Variants in SGK1 observed in about 807,000 individuals in gnomAD.
SGK1 encodes serine/threonine-protein kinase Sgk1.
A neutral mutation model predicts 64.2 loss-of-function variants in SGK1; 26 were observed. That is an observed-to-expected ratio of 0.40 (90% CI 0.30 to 0.56). SGK1 has a LOEUF of 0.56. SGK1 is among the 20% of genes least tolerant of loss of function. The probability of loss-of-function intolerance (pLI) is 0.38; values close to 1 mark genes in which losing one functional copy is unlikely to be tolerated. For missense variants in SGK1, 519 were observed against 645.6 expected, an observed-to-expected ratio of 0.80 and a Z score of 2.12; for synonymous variants, 265 against 239.7, an observed-to-expected ratio of 1.11 and a Z score of -0.98.
intron 2 of SGK1, among the ~76,000 whole-genome samples, chr6:134,251,565 T>G (rs1776606195): frequency 6.6e-6 from 1 of 152,144 alleles, no homozygotes; most frequent in Non-Finnish European, 1.5e-5. Context: ...ATGTCCTAAA[T>G]AGCCTGGATG....
intron 3 of SGK1, among the ~76,000 whole-genome samples, chr6:134,176,280 G>C (rs1223579390): frequency 6.6e-6 from 1 of 152,178 alleles, no homozygotes; most frequent in South Asian, 2.1e-4. Context: ...GGCTGCCCCA[G>C]GGCTTCTTAG....
At chr6:134,209,265 C>T (rs953278534) in intron 2 of SGK1, among the ~76,000 whole-genome samples, 3 of 152,064 alleles carry the variant, frequency 2.0e-5, no homozygotes, top group African/African-American at 4.8e-5. Context: ...GAAATCCCGT[C>T]TCTACTAAAA....
chr6:134,225,285 A>T (rs9493865), intron 2 of SGK1, among the ~76,000 whole-genome samples: 8,668 of 149,254 alleles, frequency 0.058, 874 homozygotes, highest in African/African-American at 0.21. Context: ...AGGGAGGCAA[A>T]GGCTGCAGTG....
At chr6:134,296,875 A>G in intron 1 of SGK1, 1 of 213,340 alleles carries the variant, frequency 4.7e-6, no homozygotes, top group East Asian at 1.3e-4. Context: ...ACGTGGGCTG[A>G]GGGCTAGGAC....
intron 3 of SGK1, among the ~76,000 whole-genome samples, chr6:134,189,866 T>C (rs568440530): frequency 2.0e-5 from 3 of 152,372 alleles, no homozygotes; most frequent in African/African-American, 7.2e-5. Flanking sequence ...TTTGTTTGTT[T>C]TGAGACGGAG....
At chr6:134,184,470 A>G (rs1345214067) in intron 3 of SGK1, among the ~76,000 whole-genome samples, 1 of 136,456 alleles carries the variant, frequency 7.3e-6, no homozygotes, top group African/African-American at 2.8e-5. Flanking sequence ...ACATCACTGC[A>G]CTCCAGCCTG....
At chr6:134,244,675 C>A (rs1223018711) in intron 2 of SGK1, among the ~76,000 whole-genome samples, 1 of 152,160 alleles carries the variant, frequency 6.6e-6, no homozygotes, top group Non-Finnish European at 1.5e-5. Context: ...GTGAGATGAA[C>A]CAGGTACCTC....
At chr6:134,176,835 C>A (rs1405351371) in intron 3 of SGK1, among the ~76,000 whole-genome samples, 1 of 152,220 alleles carries the variant, frequency 6.6e-6, no homozygotes, top group African/African-American at 2.4e-5. Context: ...TGCTTTGTTG[C>A]AACAGCCCCA....
chr6:134,276,177 A>G (rs980513948), intron 1 of SGK1, among the ~76,000 whole-genome samples: 2 of 152,214 alleles, frequency 1.3e-5, no homozygotes, highest in African/African-American at 4.8e-5. Flanking sequence ...CATACAGGCA[A>G]TGCTGAAGAA....
At chr6:134,208,231 C>T (rs995016634) in intron 2 of SGK1, among the ~76,000 whole-genome samples, 1 of 152,052 alleles carries the variant, frequency 6.6e-6, no homozygotes, top group African/African-American at 2.4e-5. Flanking sequence ...ATTTTATAAT[C>T]ATAACAGGAT....
rs113744428 is a variant in SGK1, at chr6:134,209,975, C to A, written c.286-2544G>T. 5.8e-3 allele frequency among the ~76,000 whole-genome samples: 885 copies of A among 152,298 alleles called. 9 individuals carry two copies. Among genetic ancestry groups the A allele is most frequent in the African/African-American group, 0.018 (766 of 41,566 alleles). On this transcript the variant is annotated intron_variant, in intron 2 of 13. Coordinates refer to ENST00000367858, the MANE Select transcript of SGK1 (RefSeq NM_001143676.3). ...TACAGGCATGAGCCACCGTGCCAGG[C>A]CTGTGAAGCTCTATTGACGAAGGAA...
At chr6:134,187,277 A>G (rs545648714) in intron 3 of SGK1, among the ~76,000 whole-genome samples, 2 of 152,280 alleles carry the variant, frequency 1.3e-5, no homozygotes, top group African/African-American at 2.4e-5. Context: ...TTCCAGTTCA[A>G]TGGAATCATT....
At chr6:134,299,567 T>G (rs1459721783) in intron 1 of SGK1, among the ~76,000 whole-genome samples, 1 of 152,146 alleles carries the variant, frequency 6.6e-6, no homozygotes, top group African/African-American at 2.4e-5. Context: ...TATGCTGATG[T>G]GTGCAGAACA....
intron 2 of SGK1, among the ~76,000 whole-genome samples, chr6:134,248,470 T>TAGATGG (rs1776558761): frequency 8.4e-6 from 1 of 119,540 alleles, no homozygotes; most frequent in South Asian, 2.8e-4. Flanking sequence ...TTTTTTTTTT[T>TAGATGG]AGATGGAGAG....
intron 1 of SGK1, among the ~76,000 whole-genome samples, chr6:134,264,550 C>A (rs892914877): frequency 6.6e-6 from 1 of 152,116 alleles, no homozygotes; most frequent in Admixed American, 6.6e-5. Flanking sequence ...TTATATTCAA[C>A]CAATTAGTGA....
intron 3 of SGK1, chr6:134,175,403 C>CT: frequency 7.8e-7 from 1 of 1,279,000 alleles, no homozygotes; most frequent in Non-Finnish European, 1.0e-6. Context: ...CAGGCCTGCG[C>CT]GCGCGACCTC....
chr6:134,177,052 G>A (rs559563430), intron 3 of SGK1, among the ~76,000 whole-genome samples: 174 of 152,186 alleles, frequency 1.1e-3, no homozygotes, highest in African/African-American at 4.0e-3. Flanking sequence ...CGTCTCTACT[G>A]AAAATAGAAA....
At chr6:134,309,510 G>A (rs1299245110) in intron 1 of SGK1, among the ~76,000 whole-genome samples, 1 of 152,198 alleles carries the variant, frequency 6.6e-6, no homozygotes, top group Non-Finnish European at 1.5e-5. Flanking sequence ...AAGGACCAGG[G>A]TAGGTCACTG....
intron 2 of SGK1, among the ~76,000 whole-genome samples, chr6:134,223,260 C>T (rs139251676): frequency 0.017 from 2,606 of 151,254 alleles, 40 homozygotes; most frequent in Non-Finnish European, 0.027. Context: ...CCCAGCTTCT[C>T]GGGGGGCTGA....
Sources: gnomAD v4.1 joint callset for allele counts (sites outside exome capture counted in the v4.1 genomes callset) on GRCh38, gnomAD v4.1.1 for gene constraint, MANE v1.5 for transcripts, NCBI Gene and HGNC (gene_info 2026-07-23, HGNC 2026-07-21) for gene names.